The following BBS5 variants were observed in gnomAD, a reference collection of about 807,000 sequenced individuals.
BBS5 encodes the protein Bardet-Biedl syndrome 5, also known as BBSome complex member BBS5.
Under a neutral mutation model 50.2 loss-of-function variants are expected in BBS5, and 39 were observed. The ratio of observed to expected loss-of-function variants is 0.78; its 90% CI spans 0.60 to 1.01. BBS5 has a LOEUF of 1.01. BBS5 is among the 50% of genes least tolerant of loss of function. The pLI is 0.00. For synonymous variants in BBS5, 134 were observed against 133.1 expected, an observed-to-expected ratio of 1.01 and a Z score of -0.05; for missense variants, 356 against 401.5, an observed-to-expected ratio of 0.89 and a Z score of 0.97.
chr2:169,492,121 G>A (rs77434019), intron 5 of BBS5, among the ~76,000 whole-genome samples: 29,626 of 151,894 alleles, frequency 0.2, 3,097 homozygotes, highest in South Asian at 0.33. Flanking sequence ...ATAATTGGAC[G>A]CCTGTTTATG....
At chr2:169,483,693 G>A (rs990929051) in intron 2 of BBS5, among the ~76,000 whole-genome samples, 1 of 152,126 alleles carries the variant, frequency 6.6e-6, no homozygotes, top group African/African-American at 2.4e-5. Context: ...AAAGGGGCCT[G>A]CTGCCTACTT....
In BBS5 at chr2:169,487,142, T is replaced by A. The variant is rs771863910; in HGVS notation, c.208+8T>A. The A allele has an allele frequency of 2.5e-6, 4 of 1,598,250 alleles. No homozygotes were observed. The highest frequency in any genetic ancestry group is 3.4e-6 in the Non-Finnish European group (4 of 1,166,092). On this transcript the variant is annotated splice_region_variant and intron_variant, in intron 3 of 11. Transcript: ENST00000295240. ...TATCAAGAGTCAATGTTTGTAAGTA[T>A]CTTTGTTAGATAAGTCTGAAGAAAA...
chr2:169,504,363 AG>A (rs1289035465), intron 11 of BBS5, 37 bp downstream of exon 11: 1 of 1,608,364 alleles, frequency 6.2e-7, no homozygotes. Flanking sequence ...ATATGAAAAA[AG>A]TTTCTAAATT....
intron 7 of BBS5, among the ~76,000 whole-genome samples, chr2:169,496,595 C>T (rs1672860527): frequency 6.6e-6 from 1 of 151,928 alleles, no homozygotes; most frequent in Non-Finnish European, 1.5e-5. Flanking sequence ...ATTGGCCGGG[C>T]GCGGTGGCTC....
At chr2:169,479,678 C>G in intron 1 of BBS5, 66 bp downstream of exon 1, 1 of 1,571,570 alleles carries the variant, frequency 6.4e-7, no homozygotes, top group South Asian at 1.1e-5. Flanking sequence ...GCGTTAGGGA[C>G]CCGCGGGCGG....
intron 10 of BBS5, 126 bp from the exon 11 acceptor site, chr2:169,504,177 A>C: frequency 1.2e-6 from 1 of 866,586 alleles, no homozygotes; most frequent in Non-Finnish European, 1.9e-6. Context: ...AAAAAACATT[A>C]CACAGTAACA....
chr2:169,485,053 G>T (rs1683465879), intron 2 of BBS5, among the ~76,000 whole-genome samples: 1 of 152,162 alleles, frequency 6.6e-6, no homozygotes, highest in South Asian at 2.1e-4. Flanking sequence ...GAGGTGGTTG[G>T]TGGTTTTATA....
intron 5 of BBS5, among the ~76,000 whole-genome samples, chr2:169,492,363 G>A (rs896471948): frequency 2.0e-5 from 3 of 151,880 alleles, no homozygotes; most frequent in Non-Finnish European, 4.4e-5. Flanking sequence ...GGTGTCGTGC[G>A]CCTATAGTCC....
At chr2:169,483,330 G>A (rs1287643244) in intron 2 of BBS5, among the ~76,000 whole-genome samples, 4 of 151,882 alleles carry the variant, frequency 2.6e-5, no homozygotes, top group Admixed American at 2.0e-4. Context: ...TGAACTTTTG[G>A]TACAGTATTA....
In BBS5 at chr2:169,479,500, A is replaced by G. The variant is rs1683344155; in HGVS notation, c.-54A>G. 3 of 1,599,416 alleles carry G rather than the reference A, an allele frequency of 1.9e-6. No individual in the cohort carries two copies. Among genetic ancestry groups the G allele is most frequent in the Admixed American group, 3.3e-5 (2 of 59,738 alleles). On this transcript the variant is annotated 5_prime_UTR_variant, in exon 1 of 12. Transcript: ENST00000295240. ...GGCCCGTTGCCTTGGAGCCAGAGAG[A>G]CGCAGCTAGGCCTGCACGGCTGTGG... is the stretch of plus-strand genomic sequence containing the variant.
intron 2 of BBS5, chr2:169,482,679 C>T: frequency 3.6e-6 from 1 of 276,132 alleles, no homozygotes. Context: ...AGCTGTAGTA[C>T]CTGGAGCCAT....
chr2:169,493,024 G>T lies in BBS5; in HGVS notation c.522+15G>T. 6.2e-7 allele frequency: 1 copy of T among 1,613,174 alleles called. No individual in the cohort carries two copies. Among genetic ancestry groups the T allele is most frequent in the Non-Finnish European group, 8.5e-7 (1 of 1,179,602 alleles). ...CCAGTGATCAGGTATTGTGCAAAGA[G>T]CTAGTGAACCTTTTGGGACAGTGTT... On this transcript the variant is annotated intron_variant, in intron 6 of 11. Coordinates refer to ENST00000295240, the MANE Select transcript of BBS5 (RefSeq NM_152384.3).
At chr2:169,498,806 C>CA (rs368910049) in intron 8 of BBS5, among the ~76,000 whole-genome samples, 16,104 of 71,512 alleles carry the variant, frequency 0.23, 1,201 homozygotes, top group East Asian at 0.43. Flanking sequence ...GACTCTGTCT[C>CA]AAAAAAAAAA....
Position 169,489,033 on chromosome 2 carries a change from C to G in BBS5, c.386+919C>G, listed in dbSNP as rs538195165. On this transcript the variant is annotated intron_variant, in intron 5 of 11. Transcript: ENST00000295240. The stretch of plus-strand genomic sequence containing the variant: ...TAGAGGTAGGGTCCTGCTTTGTCAC[C>G]CAGGCTGGAGTATAGTGGTGCAGTC... Among the ~76,000 whole-genome samples the G allele has an allele frequency of 7.8e-4, 119 of 151,920 alleles. 1 individual carries two copies. Among genetic ancestry groups the G allele is most frequent in the Non-Finnish European group, 1.3e-3 (89 of 67,978 alleles).
rs115163010 is a variant in BBS5, at chr2:169,490,410, G to A, written c.386+2296G>A. Among the ~76,000 whole-genome samples the A allele has an allele frequency of 6.9e-3, 1,049 of 151,968 alleles. 13 individuals carry two copies. The highest frequency in any genetic ancestry group is 0.024 in the African/African-American group (1,005 of 41,404). On this transcript the variant is annotated intron_variant, in intron 5 of 11. Coordinates refer to ENST00000295240, the MANE Select transcript of BBS5 (RefSeq NM_152384.3). The stretch of plus-strand genomic sequence containing the variant: ...GGTTTTACTGTGTTATAGAGACGGG[G>A]TTTCACTGTGTTAGTCAGGATGGTC...
chr2:169,498,646 A>C (rs534751794), intron 8 of BBS5, among the ~76,000 whole-genome samples: 1 of 152,132 alleles, frequency 6.6e-6, no homozygotes, highest in Admixed American at 6.5e-5. Flanking sequence ...TCTACTAAAA[A>C]TACAAAAAAT....
intron 7 of BBS5, among the ~76,000 whole-genome samples, chr2:169,497,089 A>C (rs569646419): frequency 6.6e-6 from 1 of 152,300 alleles, no homozygotes; most frequent in Admixed American, 6.5e-5. Flanking sequence ...GGAGACCAAG[A>C]AAGGAGGATT....
rs758139084 is a variant in BBS5, at chr2:169,504,342, T to C, written c.924+16T>C. ...TGGCAATAAGGTAAGGACATTTATT[T>C]TACCTACAGTATATGAAAAAAGTTT... On this transcript the variant is annotated intron_variant, in intron 11 of 11. Transcript: ENST00000295240. 3 of 1,611,030 alleles carry C rather than the reference T, an allele frequency of 1.9e-6. No individual in the cohort carries two copies. In the African/African-American group the frequency reaches 4.0e-5, roughly 21 times the overall value.
At chr2:169,491,426 T>C (rs530236626) in intron 5 of BBS5, among the ~76,000 whole-genome samples, 1 of 152,328 alleles carries the variant, frequency 6.6e-6, no homozygotes, top group East Asian at 1.9e-4. Context: ...ACAATTTAAA[T>C]ATTAGAAGAT....
Sources: allele counts gnomAD v4.1 joint callset (sites outside exome capture counted in the v4.1 genomes callset), GRCh38; gene constraint gnomAD v4.1.1; transcripts MANE v1.5; gene names NCBI Gene and HGNC (gene_info 2026-07-23, HGNC 2026-07-21).